Variants in AP4S1 observed in about 807,000 individuals in gnomAD.
The protein encoded by AP4S1 is AP-4 complex subunit sigma-1.
In AP4S1, 23 loss-of-function variants were observed where a neutral mutation model predicts 19.8. The observed-to-expected ratio is 1.16, with a 90% CI of 0.84 to 1.65. AP4S1 has a LOEUF of 1.65. AP4S1 is among the 40% of genes most tolerant of loss of function. The pLI is 0.00. For synonymous variants in AP4S1, 46 were observed against 54.1 expected, an observed-to-expected ratio of 0.85 and a Z score of 0.66; for missense variants, 166 against 172.8, an observed-to-expected ratio of 0.96 and a Z score of 0.22.
chr14:31,039,436 C>T (rs1884968551), intron 1 of AP4S1, among the ~76,000 whole-genome samples: 1 of 152,094 alleles, frequency 6.6e-6, no homozygotes, highest in African/African-American at 2.4e-5. Context: ...CTGCCCGCCT[C>T]GGCCTCCCAA....
chr14:31,026,296 C>G (rs1204647044), intron 1 of AP4S1: 2 of 1,194,544 alleles, frequency 1.7e-6, no homozygotes, highest in Non-Finnish European at 1.1e-6. Flanking sequence ...GGGAGAGGGG[C>G]GGGGAAGGGG....
intron 3 of AP4S1, among the ~76,000 whole-genome samples, chr14:31,071,779 G>A (rs1187431560): frequency 6.6e-6 from 1 of 151,998 alleles, no homozygotes; most frequent in African/African-American, 2.4e-5. Context: ...GCACCTTCAC[G>A]TCTCACTGCA....
intron 1 of AP4S1, chr14:31,026,206 G>A (rs1405402898): frequency 7.2e-7 from 1 of 1,394,824 alleles, no homozygotes; most frequent in Middle Eastern, 2.6e-4. Flanking sequence ...GCCCCGGCCG[G>A]GGCGCAGGGC....
intron 5 of AP4S1, among the ~76,000 whole-genome samples, chr14:31,084,049 A>C (rs1378918686): frequency 6.6e-6 from 1 of 152,064 alleles, no homozygotes; most frequent in Non-Finnish European, 1.5e-5. Flanking sequence ...GCTTATATCC[A>C]CTCTGCCAGG....
At chr14:31,039,567 G>GT (rs139275978) in intron 1 of AP4S1, among the ~76,000 whole-genome samples, 14 of 143,490 alleles carry the variant, frequency 9.8e-5, no homozygotes, top group African/African-American at 3.5e-4. Flanking sequence ...AATAGGTGTA[G>GT]TTTTGTTTTT....
chr14:31,049,066 T>C (rs1222825092), intron 1 of AP4S1, among the ~76,000 whole-genome samples: 1 of 150,700 alleles, frequency 6.6e-6, no homozygotes, highest in African/African-American at 2.4e-5. Flanking sequence ...CTGGCCAACA[T>C]GGTGAAACCC....
chr14:31,087,065 T>A (rs1372877015), intron 5 of AP4S1, among the ~76,000 whole-genome samples: 1 of 152,122 alleles, frequency 6.6e-6, no homozygotes, highest in South Asian at 2.1e-4. Flanking sequence ...GCTGGCTAAT[T>A]TAAAAAAATT....
At chr14:31,049,428 A>AAAAAAAAATATATATAT (rs1384450221) in intron 1 of AP4S1, among the ~76,000 whole-genome samples, 25 of 57,718 alleles carry the variant, frequency 4.3e-4, no homozygotes, top group Non-Finnish European at 6.4e-4. Flanking sequence ...AAAAAAAAAA[A>AAAAAAAAATATATATAT]ATATATATAT....
At chr14:31,048,699 A>T (rs1885558949) in intron 1 of AP4S1, among the ~76,000 whole-genome samples, 1 of 152,132 alleles carries the variant, frequency 6.6e-6, no homozygotes, top group Non-Finnish European at 1.5e-5. Context: ...AGATTGCGTC[A>T]TTGCACTCCA....
At chr14:31,085,147 C>A in intron 5 of AP4S1, 2 of 1,245,288 alleles carry the variant, frequency 1.6e-6, no homozygotes, top group Non-Finnish European at 2.0e-6. Context: ...CGCCAGCACC[C>A]TTTCCCCATC....
chr14:31,057,648 C>T (rs2016125), intron 1 of AP4S1, among the ~76,000 whole-genome samples: 65,463 of 151,678 alleles, frequency 0.43, 14,959 homozygotes, highest in Admixed American at 0.56. Context: ...TTTTTGGAGA[C>T]GAAGTCTTGC....
chr14:31,025,761 A>T lies in AP4S1; in HGVS notation c.-98A>T. The T allele has an allele frequency of 8.7e-7, 1 of 1,143,898 alleles. No individual in the cohort carries two copies. The highest frequency in any genetic ancestry group is 1.2e-6 in the Non-Finnish European group (1 of 832,232). 70.9% of individuals were successfully genotyped at this position (1,143,898 alleles called of 1,614,324 possible). A position where few individuals can be genotyped will look rare whatever the true frequency, so the allele number is the denominator to read the frequency against. Reference sequence around the variant, plus strand: ...GGGGACTCCAGGAAAAGCCGTTGAGAGGACCATCACAACCTGAGCAGCACA... The same window carrying T: ...GGGGACTCCAGGAAAAGCCGTTGAGTGGACCATCACAACCTGAGCAGCACA... On this transcript the variant is annotated 5_prime_UTR_variant, in exon 1 of 6. Coordinates refer to ENST00000542754, the MANE Select transcript of AP4S1 (RefSeq NM_001128126.3).
At chr14:31,090,563 A>G (rs1287158323) in intron 5 of AP4S1, among the ~76,000 whole-genome samples, 16 of 152,240 alleles carry the variant, frequency 1.1e-4, no homozygotes, top group Admixed American at 9.8e-4. Flanking sequence ...CTGTCTTTCA[A>G]TAGCCATTCT....
chr14:31,053,670 A>C (rs1459183731), intron 1 of AP4S1, among the ~76,000 whole-genome samples: 4 of 135,986 alleles, frequency 2.9e-5, no homozygotes, highest in Non-Finnish European at 6.0e-5. Context: ...TTCTGGCCTC[A>C]AGTGATCATC....
At position 31,094,923 on chromosome 14, in the gene AP4S1, G is replaced by C. The variant is rs1888163469; in HGVS notation, c.*1888G>C. On this transcript the variant is annotated 3_prime_UTR_variant, in exon 6 of 6. Coordinates refer to ENST00000542754, the MANE Select transcript of AP4S1 (RefSeq NM_001128126.3). Reference sequence around the variant, plus strand: ...CTCAGCTACTCAGGAGGCTGAGGCAGTAGAATTGCTTGAACCCGGGAGGCA... The same window carrying C: ...CTCAGCTACTCAGGAGGCTGAGGCACTAGAATTGCTTGAACCCGGGAGGCA... The C allele has an allele frequency of 6.6e-6, 1 of 152,034 alleles. No homozygotes were observed. The highest frequency in any genetic ancestry group is 1.5e-5 in the Non-Finnish European group (1 of 68,162). The allele number at this position is 152,034 out of a possible 1,614,324, so 9.4% of individuals were successfully genotyped here. A position where few individuals can be genotyped will look rare whatever the true frequency, so the allele number is the denominator to read the frequency against.
chr14:31,075,238 T>C (rs1887288792), intron 4 of AP4S1, among the ~76,000 whole-genome samples: 1 of 152,160 alleles, frequency 6.6e-6, no homozygotes, highest in Admixed American at 6.5e-5. Context: ...ATCTTCATGA[T>C]ATCTACTTTT....
intron 1 of AP4S1, among the ~76,000 whole-genome samples, chr14:31,062,732 C>T (rs1277867671): frequency 6.6e-6 from 1 of 151,262 alleles, no homozygotes; most frequent in Non-Finnish European, 1.5e-5. Context: ...CTGTGGGAGG[C>T]CAAGGTAGGC....
chr14:31,064,805 A>G (rs1045874103), intron 1 of AP4S1, among the ~76,000 whole-genome samples: 1 of 152,200 alleles, frequency 6.6e-6, no homozygotes, highest in African/African-American at 2.4e-5. Flanking sequence ...AAGTTAAAAA[A>G]TTAGCTGGAC....
At chr14:31,089,948 A>G (rs536258731) in intron 5 of AP4S1, among the ~76,000 whole-genome samples, 109 of 152,348 alleles carry the variant, frequency 7.2e-4, no homozygotes, top group African/African-American at 2.4e-3. Context: ...TGTTGGGACC[A>G]TAAACATTTC....
Sources: allele counts gnomAD v4.1 joint callset (sites outside exome capture counted in the v4.1 genomes callset), GRCh38; gene constraint gnomAD v4.1.1; transcripts MANE v1.5; gene names NCBI Gene and HGNC (gene_info 2026-07-23, HGNC 2026-07-21).